The following CA10 variants were observed in gnomAD, a reference collection of about 807,000 sequenced individuals.
CA10 encodes the protein carbonic anhydrase 10 (inactive).
CA10 carries 14 observed loss-of-function variants against 44.2 expected under a neutral mutation model. That is an observed-to-expected ratio of 0.32 (90% CI 0.21 to 0.50). The LOEUF is 0.50. Ranked by LOEUF, CA10 falls within the 20% of genes least tolerant of loss-of-function variation. CA10 has a pLI of 0.99. For synonymous variants in CA10, 159 were observed against 141.6 expected (o/e 1.12, Z -0.87); for missense variants, 350 against 409.7 (o/e 0.85, Z 1.26).
intron 3 of CA10, among the ~76,000 whole-genome samples, chr17:51,750,314 C>T (rs1904849499): frequency 6.6e-6 from 1 of 151,612 alleles, no homozygotes; most frequent in African/African-American, 2.4e-5. Context: ...TATATATGTG[C>T]ATTATAAATA....
At chr17:52,143,577 C>T (rs1478802624) in intron 1 of CA10, among the ~76,000 whole-genome samples, 2 of 151,926 alleles carry the variant, frequency 1.3e-5, no homozygotes, top group African/African-American at 4.8e-5. Flanking sequence ...AAATAATGCC[C>T]AAATGCAAAA....
intron 1 of CA10, among the ~76,000 whole-genome samples, chr17:52,115,331 CA>C (rs1988870233): frequency 1.3e-5 from 2 of 152,112 alleles, no homozygotes; most frequent in African/African-American, 4.8e-5. Flanking sequence ...AGCTAAGGAG[CA>C]AAAAATCCTG....
chr17:51,749,374 C>T (rs57732944), intron 3 of CA10, among the ~76,000 whole-genome samples: 26,212 of 152,102 alleles, frequency 0.17, 2,527 homozygotes, highest in Admixed American at 0.26. Context: ...TTCACTTCTT[C>T]GTGGAGCCGT....
At chr17:51,811,049 A>T (rs966236871) in intron 3 of CA10, among the ~76,000 whole-genome samples, 1 of 152,166 alleles carries the variant, frequency 6.6e-6, no homozygotes, top group African/African-American at 2.4e-5. Flanking sequence ...TACAAAAATT[A>T]GCCGGGCATG....
chr17:52,002,199 T>A (rs73989015), intron 2 of CA10, among the ~76,000 whole-genome samples: 2,704 of 151,538 alleles, frequency 0.018, 84 homozygotes, highest in African/African-American at 0.062. Flanking sequence ...ACTTAAAGTA[T>A]AATTTAAAAA....
At chr17:52,024,144 A>G (rs1487746682) in intron 2 of CA10, among the ~76,000 whole-genome samples, 1 of 152,026 alleles carries the variant, frequency 6.6e-6, no homozygotes, top group African/African-American at 2.4e-5. Flanking sequence ...CTTCTGGGAT[A>G]TTTTTAAATC....
At chr17:52,052,964 G>A (rs1987120744) in intron 2 of CA10, among the ~76,000 whole-genome samples, 1 of 151,594 alleles carries the variant, frequency 6.6e-6, no homozygotes, top group South Asian at 2.1e-4. Flanking sequence ...TGTGAGTGAT[G>A]TGTGTGTGTG....
intron 1 of CA10, among the ~76,000 whole-genome samples, chr17:52,156,590 G>A (rs1271025624): frequency 6.6e-6 from 1 of 152,184 alleles, no homozygotes; most frequent in Non-Finnish European, 1.5e-5. Flanking sequence ...AATCAGGTCT[G>A]GCTTAAAGGG....
chr17:52,109,827 C>A (rs1232155208), intron 1 of CA10, among the ~76,000 whole-genome samples: 1 of 152,178 alleles, frequency 6.6e-6, no homozygotes, highest in Non-Finnish European at 1.5e-5. Flanking sequence ...TTCAGGCAGT[C>A]AATTTCAGAG....
chr17:52,009,219 CT>C (rs1314957391), intron 2 of CA10, among the ~76,000 whole-genome samples: 1 of 151,748 alleles, frequency 6.6e-6, no homozygotes, highest in African/African-American at 2.4e-5. Context: ...TTTTATGCCA[CT>C]TATTGTTTTC....
intron 4 of CA10, among the ~76,000 whole-genome samples, chr17:51,720,839 A>G (rs1296620767): frequency 6.9e-6 from 1 of 144,960 alleles, no homozygotes; most frequent in Non-Finnish European, 1.5e-5. Context: ...GCTCTGCTCT[A>G]TGGTGACCAC....
rs142998531 is a variant in CA10 at position 52,124,527 on chromosome 17, G to A, written c.61+33199C>T. 2.6e-4 allele frequency among the ~76,000 whole-genome samples: 39 copies of A among 152,292 alleles called. 1 individual carries two copies. In the East Asian group the frequency reaches 6.9e-3, roughly 27 times the overall value. ...AAGAAGGTTCAGATGATACTAGAGA[G>A]CTCTATCTTCCTGTGCCTATGGAAT... On this transcript the variant is annotated intron_variant, in intron 1 of 8. Coordinates refer to ENST00000451037, the MANE Select transcript of CA10 (RefSeq NM_020178.5).
At chr17:52,034,315 A>G (rs1242186490) in intron 2 of CA10, among the ~76,000 whole-genome samples, 1 of 152,214 alleles carries the variant, frequency 6.6e-6, no homozygotes, top group Non-Finnish European at 1.5e-5. Flanking sequence ...TAAACTCATG[A>G]AGTTGTATAT....
rs1204506999 is a variant in CA10 at position 51,747,814 on chromosome 17, C to G, written c.284G>C (p.Ser95Thr). The part of the protein sequence containing the change: ...LRINTGGRKV[S>T]GTMYNTGRHV... Reference sequence around the variant, plus strand: ...TCTTCCAGTGTTGTACATGGTCCCACTGACCTGCAAGGCAATTAGCAACAG... The same window carrying G: ...TCTTCCAGTGTTGTACATGGTCCCAGTGACCTGCAAGGCAATTAGCAACAG... The change falls in exon 4 of 9, where the codon AGT becomes ACT. Residue 95 changes from serine (S) to threonine (T), a missense_variant. Ser to Thr is a moderately conservative substitution (Grantham distance 58, BLOSUM62 1). Coordinates refer to ENST00000451037, the MANE Select transcript of CA10 (RefSeq NM_020178.5). 6.2e-7 allele frequency: 1 copy of G among 1,608,604 alleles called. No individual in the cohort carries two copies. Among genetic ancestry groups the G allele is most frequent in the Admixed American group, 1.7e-5 (1 of 59,302 alleles).
chr17:52,104,306 C>T (rs1416671740), intron 1 of CA10, among the ~76,000 whole-genome samples: 2 of 152,042 alleles, frequency 1.3e-5, no homozygotes, highest in East Asian at 1.9e-4. Flanking sequence ...CAAGCCAACC[C>T]TCCTACCTCA....
intron 3 of CA10, among the ~76,000 whole-genome samples, chr17:51,753,793 T>C (rs1490090747): frequency 2.6e-5 from 4 of 152,206 alleles, no homozygotes; most frequent in Non-Finnish European, 5.9e-5. Context: ...TCAGCTATCT[T>C]TGGCTCTAAA....
intron 3 of CA10, among the ~76,000 whole-genome samples, chr17:51,838,047 C>T (rs1367656437): frequency 6.6e-6 from 1 of 152,140 alleles, no homozygotes; most frequent in Non-Finnish European, 1.5e-5. Flanking sequence ...AATTAATTAC[C>T]TTGTTTAAAA....
intron 3 of CA10, among the ~76,000 whole-genome samples, chr17:51,825,489 C>G (rs1254144909): frequency 1.3e-5 from 2 of 152,140 alleles, no homozygotes; most frequent in Admixed American, 6.5e-5. Context: ...GATGAAAAAG[C>G]AGGCACAGAG....
chr17:51,779,871 G>C (rs1905978685), intron 3 of CA10, among the ~76,000 whole-genome samples: 1 of 152,128 alleles, frequency 6.6e-6, no homozygotes, highest in Non-Finnish European at 1.5e-5. Context: ...CTTGGGGCTG[G>C]GAAGTGCTGC....
Sources: gnomAD v4.1 joint callset for allele counts (sites outside exome capture counted in the v4.1 genomes callset) on GRCh38, gnomAD v4.1.1 for gene constraint, MANE v1.5 for transcripts, NCBI Gene and HGNC (gene_info 2026-07-23, HGNC 2026-07-21) for gene names.